The following TPP2 variants were observed in gnomAD, a reference collection of about 807,000 sequenced individuals.
The protein encoded by TPP2 is tripeptidyl-peptidase 2.
In TPP2, 34 loss-of-function variants were observed where a neutral mutation model predicts 155.9. The observed-to-expected ratio is 0.22, with a 90% CI of 0.17 to 0.29. The LOEUF (loss-of-function observed/expected upper bound fraction) is 0.29. TPP2 is among the 10% of genes least tolerant of loss of function. The pLI is 1.00. For missense variants in TPP2, 1,028 were observed against 1,522.3 expected, an observed-to-expected ratio of 0.68 and a Z score of 5.40; for synonymous variants, 510 against 529.4, an observed-to-expected ratio of 0.96 and a Z score of 0.50.
In TPP2 at chr13:102,635,597, T is replaced by A. The variant is rs779195878; in HGVS notation, c.1404T>A (p.Ala468=). Residue 468 remains alanine (A), a synonymous_variant, in exon 12 of 30, where the codon GCT becomes GCA. Coordinates refer to ENST00000376052, the MANE Select transcript of TPP2 (RefSeq NM_001330588.2). ...GIALILSGLK[A]NNIDYTVHSV... ...GTTTCTTAATTTTAGGTCTGAAAGC[T>A]AATAACATTGACTACACAGTTCATT... 3 of 1,612,068 alleles carry A rather than the reference T, an allele frequency of 1.9e-6. No individual in the cohort carries two copies. The highest frequency in any genetic ancestry group is 2.5e-6 in the Non-Finnish European group (3 of 1,179,572).
chr13:102,674,610 G>A (rs1415037565), intron 28 of TPP2, 120 bp downstream of exon 28: 2 of 946,858 alleles, frequency 2.1e-6, no homozygotes, highest in African/African-American at 1.7e-5. Flanking sequence ...GCTGGGCTCT[G>A]AATATGACAT....
In TPP2 at chr13:102,656,125, C is replaced by T. The variant is rs578257940; in HGVS notation, c.2992-931C>T. Among the ~76,000 whole-genome samples the T allele has an allele frequency of 2.6e-5, 4 of 152,204 alleles. No homozygotes were observed. The East Asian group carries it at 7.7e-4, about 29-fold the overall frequency. On this transcript the variant is annotated intron_variant, in intron 24 of 29. Transcript: ENST00000376052. ...TTGTCTTCTTGCCTCCACCTTTACC[C>T]TCTATAATCTATTTTCCAAATAGAA...
intron 24 of TPP2, among the ~76,000 whole-genome samples, chr13:102,654,426 G>T (rs944617929): frequency 6.6e-6 from 1 of 152,050 alleles, no homozygotes; most frequent in Non-Finnish European, 1.5e-5. Context: ...ATAGTCTAAG[G>T]TTACTAGGAT....
At chr13:102,618,605 A>AT (rs1880924202) in intron 4 of TPP2, 117 bp from the exon 5 acceptor site, 3 of 1,366,804 alleles carry the variant, frequency 2.2e-6, no homozygotes, top group South Asian at 3.1e-5. Flanking sequence ...ATTTTCTTAC[A>AT]TTTTTTCAGG....
At chr13:102,616,032 C>G (rs979330469) in intron 3 of TPP2, among the ~76,000 whole-genome samples, 1 of 151,942 alleles carries the variant, frequency 6.6e-6, no homozygotes, top group African/African-American at 2.4e-5. Flanking sequence ...TCTCTGCTCA[C>G]TGCAGCCTCA....
At chr13:102,675,993 CT>C (rs1390671917) in intron 28 of TPP2, among the ~76,000 whole-genome samples, 3 of 152,052 alleles carry the variant, frequency 2.0e-5, no homozygotes, top group African/African-American at 7.2e-5. Context: ...TGATTTGCAT[CT>C]TTGTAATTAT....
intron 27 of TPP2, chr13:102,667,843 A>C: frequency 1.0e-6 from 1 of 985,392 alleles, no homozygotes; most frequent in Non-Finnish European, 1.2e-6. Flanking sequence ...TGCCCTGCAG[A>C]CTCTGGCCGA....
chr13:102,622,346 T>G (rs1340105125), intron 5 of TPP2, among the ~76,000 whole-genome samples: 2 of 152,246 alleles, frequency 1.3e-5, no homozygotes, highest in African/African-American at 4.8e-5. Context: ...AAAACTATTT[T>G]AGTTAGTAAA....
At chr13:102,629,846 A>G (rs1881897341) in intron 9 of TPP2, among the ~76,000 whole-genome samples, 2 of 152,258 alleles carry the variant, frequency 1.3e-5, no homozygotes, top group South Asian at 4.1e-4. Flanking sequence ...GTGCATTAGC[A>G]TATTTAGTCT....
chr13:102,660,898 T>C (rs72651378), intron 25 of TPP2, among the ~76,000 whole-genome samples: 1,552 of 152,288 alleles, frequency 0.01, 32 homozygotes, highest in Non-Finnish European at 9.5e-3. Flanking sequence ...GAGGAAAGGA[T>C]AGTATTTGCA....
At chr13:102,623,801 T>C (rs984113068) in intron 6 of TPP2, among the ~76,000 whole-genome samples, 6 of 152,188 alleles carry the variant, frequency 3.9e-5, no homozygotes, top group African/African-American at 1.4e-4. Context: ...TCTGGGGGGA[T>C]TGGTTCTGGA....
At chr13:102,645,845 G>A (rs1345959180) in intron 19 of TPP2, among the ~76,000 whole-genome samples, 2 of 152,090 alleles carry the variant, frequency 1.3e-5, no homozygotes, top group Non-Finnish European at 2.9e-5. Context: ...ACATTCCCTC[G>A]GCCAGGAGGA....
chr13:102,644,474 T>C, intron 17 of TPP2, 83 bp from the exon 18 acceptor site: 1 of 1,144,766 alleles, frequency 8.7e-7, no homozygotes, highest in Non-Finnish European at 1.2e-6. Context: ...GAAAACAGAA[T>C]TGCTCTGAAA....
chr13:102,650,739 T>C (rs1883430395), intron 23 of TPP2, among the ~76,000 whole-genome samples: 1 of 152,294 alleles, frequency 6.6e-6, no homozygotes, highest in East Asian at 1.9e-4. Flanking sequence ...AATTCAGAAA[T>C]AGTTACTACT....
chr13:102,642,533 C>T (rs1428174195), intron 16 of TPP2, among the ~76,000 whole-genome samples: 1 of 151,968 alleles, frequency 6.6e-6, no homozygotes, highest in Non-Finnish European at 1.5e-5. Context: ...TGTCATAACA[C>T]TAGATTTTGT....
chr13:102,619,261 G>T (rs192322371), intron 5 of TPP2, among the ~76,000 whole-genome samples: 21 of 152,140 alleles, frequency 1.4e-4, no homozygotes, highest in South Asian at 8.3e-4. Context: ...ATAATAATGC[G>T]ATTTATACCA....
chr13:102,641,968 A>G (rs1319101921), intron 16 of TPP2, among the ~76,000 whole-genome samples: 3 of 152,180 alleles, frequency 2.0e-5, no homozygotes, highest in South Asian at 2.1e-4. Flanking sequence ...TATTGCAGTT[A>G]AGAGAACTGG....
Position 102,597,194 on chromosome 13 carries a change from G to A in TPP2, c.156G>A (p.Pro52=). Residue 52 remains proline, a synonymous_variant, in exon 1 of 30, where the codon CCG becomes CCA. Coordinates refer to ENST00000376052, the MANE Select transcript of TPP2 (RefSeq NM_001330588.2). ...ACACGGGGGTCGACCCGGGGGCTCC[G>A]GGCATGCAGGTGAGGCGGCCCCCGA... is the stretch of plus-strand genomic sequence containing the variant. ...VLDTGVDPGA[P]GMQVTTDGKP... The A allele has an allele frequency of 6.7e-7, 1 of 1,487,016 alleles. No homozygotes were observed. Among genetic ancestry groups the A allele is most frequent in the Non-Finnish European group, 8.9e-7 (1 of 1,118,256 alleles). The allele number at this position is 1,487,016 out of a possible 1,614,324, so 92.1% of individuals were successfully genotyped here.
At chr13:102,634,185 T>C in intron 11 of TPP2, 87 bp downstream of exon 11, 1 of 1,553,264 alleles carries the variant, frequency 6.4e-7, no homozygotes, top group African/African-American at 1.4e-5. Flanking sequence ...TGTGGTAGAA[T>C]TGATAATTCC....
Sources: gnomAD v4.1 joint callset for allele counts (sites outside exome capture counted in the v4.1 genomes callset) on GRCh38, gnomAD v4.1.1 for gene constraint, MANE v1.5 for transcripts, NCBI Gene and HGNC (gene_info 2026-07-23, HGNC 2026-07-21) for gene names.